The following HERC1 variants were observed in gnomAD, a reference collection of about 807,000 sequenced individuals.
The protein encoded by HERC1 is HECT and RLD domain containing E3 ubiquitin protein ligase family member 1, also known as probable E3 ubiquitin-protein ligase HERC1.
In HERC1, 160 loss-of-function variants were observed where a neutral mutation model predicts 554.3. The ratio of observed to expected loss-of-function variants is 0.29; its 90% confidence interval spans 0.25 to 0.33. The LOEUF is 0.33. Ranked by LOEUF, HERC1 falls within the 10% of genes least tolerant of loss-of-function variation. The pLI is 1.00. For missense variants in HERC1, 4,919 were observed against 5,918.5 expected (o/e 0.83, Z 5.54); for synonymous variants, 2,175 against 2,131.7 (o/e 1.02, Z -0.56).
At chr15:63,665,661 TG>T (rs1298389974) in intron 42 of HERC1, among the ~76,000 whole-genome samples, 1 of 152,216 alleles carries the variant, frequency 6.6e-6, no homozygotes, top group African/African-American at 2.4e-5. Flanking sequence ...AAAATAAACT[TG>T]TTTCCTTTTT....
At chr15:63,785,857 C>T (rs531950041) in intron 1 of HERC1, among the ~76,000 whole-genome samples, 48 of 152,214 alleles carry the variant, frequency 3.2e-4, no homozygotes, top group African/African-American at 1.2e-3. Flanking sequence ...GGATTGATAT[C>T]TCAGAGAGAT....
rs184371348 is a variant in HERC1, at chr15:63,758,655, A to G, written c.1027-286T>C. 1.3e-5 allele frequency among the ~76,000 whole-genome samples: 2 copies of G among 152,362 alleles called. No homozygotes were observed. Among genetic ancestry groups the G allele is most frequent in the East Asian group, 3.9e-4 (2 of 5,182 alleles). On this transcript the variant is annotated intron_variant, in intron 3 of 77. Transcript: ENST00000443617. This position sits in a 1 kb window ranked among gnomAD's most constrained non-coding sequence, Gnocchi z 4.0. ...AAAAACAAAGCTTAAGAAATAAAGT[A>G]GAAAAAATCACCATGGATAATCTTA...
intron 8 of HERC1, among the ~76,000 whole-genome samples, chr15:63,752,241 G>A (rs2075274027): frequency 6.6e-6 from 1 of 152,066 alleles, no homozygotes; most frequent in Non-Finnish European, 1.5e-5. Context: ...TTGTCAATTA[G>A]TCATAAAACA....
intron 1 of HERC1, among the ~76,000 whole-genome samples, chr15:63,796,951 G>A (rs1157436075): frequency 6.6e-6 from 1 of 152,060 alleles, no homozygotes; most frequent in Non-Finnish European, 1.5e-5. Context: ...AAGAGAGGAG[G>A]GTATTATGAG....
chr15:63,657,532 T>C (rs138793895), intron 48 of HERC1, among the ~76,000 whole-genome samples: 26 of 152,316 alleles, frequency 1.7e-4, no homozygotes, highest in Non-Finnish European at 2.6e-4. Context: ...CACATTCTGT[T>C]GGTTAGATGC....
intron 2 of HERC1, among the ~76,000 whole-genome samples, chr15:63,767,223 G>A (rs987105682): frequency 2.1e-5 from 3 of 143,594 alleles, no homozygotes; most frequent in African/African-American, 7.7e-5. Flanking sequence ...CACTGCTCTC[G>A]AACTACTGAC....
intron 1 of HERC1, among the ~76,000 whole-genome samples, chr15:63,808,179 C>A (rs1812126842): frequency 6.6e-6 from 1 of 150,734 alleles, no homozygotes; most frequent in African/African-American, 2.4e-5. Flanking sequence ...TTGTGACAAG[C>A]AGCTATAAGC....
chr15:63,628,655 G>A (rs2068414130), intron 70 of HERC1, 22 bp downstream of exon 70: 3 of 1,598,366 alleles, frequency 1.9e-6, no homozygotes, highest in East Asian at 2.2e-5. Flanking sequence ...CGCTGCAGGA[G>A]CATGAATATT....
chr15:63,638,352 A>G (rs1455847431), intron 63 of HERC1, 59 bp downstream of exon 63: 13 of 1,553,114 alleles, frequency 8.4e-6, no homozygotes, highest in Non-Finnish European at 1.1e-5. Flanking sequence ...TAAGACAAGC[A>G]AAAGAATTAG....
intron 76 of HERC1, among the ~76,000 whole-genome samples, chr15:63,614,092 T>C (rs1270471488): frequency 6.6e-6 from 1 of 151,942 alleles, no homozygotes; most frequent in African/African-American, 2.4e-5. Context: ...TTCTAAGAGA[T>C]GAAGAGGAAC....
At position 63,775,764 on chromosome 15, in the gene HERC1, G is replaced by A. The variant is rs944118367; in HGVS notation, c.-26-115C>T. 1.3e-6 allele frequency: 1 copy of A among 756,694 alleles called. No homozygotes were observed. Among genetic ancestry groups the A allele is most frequent in the African/African-American group, 1.8e-5 (1 of 56,724 alleles). The allele number at this position is 756,694 out of a possible 1,614,324, so 46.9% of individuals were successfully genotyped here. ...TCAAACTGGTGAAATGCAGCCGGGT[G>A]CGGTGGCTCACGCCTGTAATCCCAA... On this transcript the variant is annotated intron_variant, in intron 1 of 77. Coordinates refer to ENST00000443617, the MANE Select transcript of HERC1 (RefSeq NM_003922.4). The surrounding 1 kb of genome is among the most constrained non-coding windows in gnomAD (Gnocchi z 4.0).
At chr15:63,643,335 T>C in intron 58 of HERC1, 69 bp downstream of exon 58, 1 of 1,376,900 alleles carries the variant, frequency 7.3e-7, no homozygotes, top group Non-Finnish European at 1.0e-6. Context: ...AATTGGTTAA[T>C]TTTTATCACA....
chr15:63,680,291 C>A lies in HERC1; in HGVS notation c.6466-131G>T. ...GTTACTAGATCAAATTCTCAATTAA[C>A]CTTGCTAACCGAGAAAATTCTACAT... On this transcript the variant is annotated intron_variant, in intron 35 of 77. Transcript: ENST00000443617. The surrounding 1 kb of genome is among the most constrained non-coding windows in gnomAD (Gnocchi z 5.8). The A allele has an allele frequency of 1.3e-6, 1 of 761,082 alleles. No individual in the cohort carries two copies. The highest frequency in any genetic ancestry group is 1.9e-5 in the South Asian group (1 of 52,742). The allele number at this position is 761,082 out of a possible 1,614,324, so 47.1% of individuals were successfully genotyped here. A position where few individuals can be genotyped will look rare whatever the true frequency, so the allele number is the denominator to read the frequency against.
At chr15:63,811,138 GAT>G (rs761531390) in intron 1 of HERC1, among the ~76,000 whole-genome samples, 22 of 152,136 alleles carry the variant, frequency 1.4e-4, no homozygotes, top group African/African-American at 4.1e-4. Context: ...AACTATAAAA[GAT>G]ATGTGGGAAA....
chr15:63,729,734 T>G, intron 14 of HERC1, 85 bp from the exon 15 acceptor site: 1 of 1,369,018 alleles, frequency 7.3e-7, no homozygotes, highest in Non-Finnish European at 1.0e-6. Flanking sequence ...TTAAGCAGCA[T>G]TATATGGGCT....
At chr15:63,637,953 A>G (rs180987499) in intron 63 of HERC1, among the ~76,000 whole-genome samples, 5 of 152,340 alleles carry the variant, frequency 3.3e-5, no homozygotes, top group South Asian at 2.1e-4. Flanking sequence ...AAACTCGTAC[A>G]TAAGAATGAG....
At chr15:63,808,758 A>G (rs1335079007) in intron 1 of HERC1, among the ~76,000 whole-genome samples, 1 of 152,196 alleles carries the variant, frequency 6.6e-6, no homozygotes, top group Non-Finnish European at 1.5e-5. Context: ...AGTGGCCACA[A>G]AGCAGACACT....
chr15:63,609,167 T>C lies in HERC1; in HGVS notation c.14500A>G (p.Ile4834Val), dbSNP rs1243559693. ...LVMAERLRYA[I>V]NNCRSIDMDN... ...ATGTCGATTGAGCGGCAGTTGTTGA[T>C]GGCATAGCGCAGGCGCTCGGCCATG... Residue 4834 changes from isoleucine to valine, a missense_variant, in exon 78 of 78, where the codon ATC becomes GTC. Around this residue, in one of 11 missense-constraint regions of HERC1, gnomAD observed 71 missense variants for 101.4 expected, o/e 0.70. Transcript: ENST00000443617. The C allele has an allele frequency of 3.7e-6, 6 of 1,613,788 alleles. No homozygotes were observed. The highest frequency in any genetic ancestry group is 2.2e-5 in the East Asian group (1 of 44,894).
At chr15:63,764,357 G>A (rs1477521278) in intron 2 of HERC1, among the ~76,000 whole-genome samples, 166 bp from the exon 3 acceptor site, 2 of 152,152 alleles carry the variant, frequency 1.3e-5, no homozygotes, top group Non-Finnish European at 2.9e-5. Flanking sequence ...CTTTTGCAAG[G>A]AAGTTTTATT....
Sources: allele counts gnomAD v4.1 joint callset (sites outside exome capture counted in the v4.1 genomes callset), GRCh38; gene constraint gnomAD v4.1.1; regional missense constraint gnomAD v4.1.1; non-coding constraint Gnocchi (gnomAD v3.1); transcripts MANE v1.5; gene names NCBI Gene and HGNC (gene_info 2026-07-23, HGNC 2026-07-21).